Variants in GRIN2B observed in about 807,000 individuals in gnomAD.
GRIN2B encodes glutamate ionotropic receptor NMDA type subunit 2B, also known as glutamate receptor ionotropic, NMDA 2B.
Under a neutral mutation model 114.5 loss-of-function variants are expected in GRIN2B, and 5 were observed. The ratio of observed to expected loss-of-function variants is 0.04; its 90% CI spans 0.02 to 0.09. The LOEUF is 0.09. Among genes scored for constraint, GRIN2B ranks in the 10% least tolerant of loss-of-function variants. The probability of loss-of-function intolerance (pLI) is 1.00; values close to 1 mark genes in which losing one functional copy is unlikely to be tolerated. For missense variants in GRIN2B, 1,108 were observed against 1,943.5 expected (o/e 0.57, Z 8.08); for synonymous variants, 787 against 745.1 (o/e 1.06, Z -0.92).
At chr12:13,903,745 T>C (rs1866495570) in intron 2 of GRIN2B, among the ~76,000 whole-genome samples, 1 of 152,104 alleles carries the variant, frequency 6.6e-6, no homozygotes. Flanking sequence ...TTGTTAATCA[T>C]ATTAATCGAA....
chr12:13,958,148 G>C (rs1276054018), intron 2 of GRIN2B, among the ~76,000 whole-genome samples: 2 of 152,190 alleles, frequency 1.3e-5, no homozygotes, highest in Non-Finnish European at 2.9e-5. Context: ...TAGTGTTTGT[G>C]ATAAAGTGAA....
At chr12:13,848,761 T>G (rs111596395) in intron 3 of GRIN2B, among the ~76,000 whole-genome samples, 1 of 152,130 alleles carries the variant, frequency 6.6e-6, no homozygotes, top group African/African-American at 2.4e-5. Flanking sequence ...AGCCTCTTTC[T>G]TGAACCCAAC....
chr12:13,600,591 A>G (rs776582763), intron 10 of GRIN2B, among the ~76,000 whole-genome samples: 1 of 152,130 alleles, frequency 6.6e-6, no homozygotes, highest in Non-Finnish European at 1.5e-5. Flanking sequence ...ATGAGAAAAG[A>G]GTTCCCTGTG....
At chr12:13,835,477 C>T (rs757688951) in intron 3 of GRIN2B, among the ~76,000 whole-genome samples, 4 of 151,920 alleles carry the variant, frequency 2.6e-5, no homozygotes, top group Non-Finnish European at 5.9e-5. Flanking sequence ...AAGGGTTTTA[C>T]GTAAAACAGA....
At chr12:13,843,355 A>G (rs892369475) in intron 3 of GRIN2B, among the ~76,000 whole-genome samples, 5 of 152,008 alleles carry the variant, frequency 3.3e-5, no homozygotes, top group Admixed American at 1.3e-4. Flanking sequence ...AAGTACCCCT[A>G]GGGGTCATTC....
chr12:13,672,115 CA>C (rs1230457255), intron 5 of GRIN2B, among the ~76,000 whole-genome samples: 1 of 152,094 alleles, frequency 6.6e-6, no homozygotes, highest in Non-Finnish European at 1.5e-5. Context: ...ATCCCTCACC[CA>C]ATTTCTTTTC....
chr12:13,598,430 C>T (rs1949105066), intron 10 of GRIN2B, among the ~76,000 whole-genome samples: 1 of 152,246 alleles, frequency 6.6e-6, no homozygotes, highest in Non-Finnish European at 1.5e-5. Flanking sequence ...GGGAGTATGG[C>T]CCACCAGCCA....
intron 2 of GRIN2B, among the ~76,000 whole-genome samples, chr12:13,894,235 TA>T (rs1212408939): frequency 1.3e-5 from 2 of 152,116 alleles, no homozygotes; most frequent in African/African-American, 4.8e-5. Flanking sequence ...GAATCTTTCC[TA>T]AAGAAATAAT....
At chr12:13,651,573 G>A (rs529923894) in intron 5 of GRIN2B, among the ~76,000 whole-genome samples, 33 of 152,050 alleles carry the variant, frequency 2.2e-4, no homozygotes, top group Non-Finnish European at 4.3e-4. Context: ...AGAAATTCTG[G>A]AAGTGAAATA....
rs187991563 is a variant in GRIN2B, at chr12:13,606,510, C to T, written c.2010+2093G>A. 6.9e-3 allele frequency among the ~76,000 whole-genome samples: 1,051 copies of T among 152,318 alleles called. 4 individuals are homozygous for T. Among genetic ancestry groups the T allele is most frequent in the Middle Eastern group, 0.017 (5 of 294 alleles). On this transcript the variant is annotated intron_variant, in intron 10 of 13. Coordinates refer to ENST00000609686, the MANE Select transcript of GRIN2B (RefSeq NM_000834.5). The stretch of plus-strand genomic sequence containing the variant: ...GTTCATGAGAGATCCACCCCCGTGA[C>T]CCAAACACTGGCCATTAGGCCCCAC...
At chr12:13,790,924 G>A (rs1864308817) in intron 3 of GRIN2B, among the ~76,000 whole-genome samples, 1 of 152,168 alleles carries the variant, frequency 6.6e-6, no homozygotes, top group African/African-American at 2.4e-5. Context: ...TCCAGAGGCT[G>A]CTGTTCCAGT....
At chr12:13,915,828 T>G (rs1866708356) in intron 2 of GRIN2B, among the ~76,000 whole-genome samples, 1 of 151,978 alleles carries the variant, frequency 6.6e-6, no homozygotes, top group Admixed American at 6.6e-5. Context: ...TTACTTGGAT[T>G]TTGCTACTAC....
chr12:13,661,320 A>G (rs1591663788), intron 5 of GRIN2B, among the ~76,000 whole-genome samples: 1 of 152,320 alleles, frequency 6.6e-6, no homozygotes, highest in South Asian at 2.1e-4. Context: ...TTAAAAGTCG[A>G]TATTTCTGTA....
chr12:13,606,696 C>T (rs1949253718), intron 10 of GRIN2B, among the ~76,000 whole-genome samples: 1 of 152,054 alleles, frequency 6.6e-6, no homozygotes, highest in Non-Finnish European at 1.5e-5. Flanking sequence ...AAACAGTCAC[C>T]AAAAGGCGAT....
At chr12:13,674,463 G>T (rs193003981) in intron 5 of GRIN2B, among the ~76,000 whole-genome samples, 1 of 152,216 alleles carries the variant, frequency 6.6e-6, no homozygotes, top group Non-Finnish European at 1.5e-5. Context: ...TCAACTTGAA[G>T]AATTAGATCC....
At chr12:13,954,831 T>TAAAAAAAAAAAAAAAAAAAAAAAAAAAAA (rs1867560002) in intron 2 of GRIN2B, among the ~76,000 whole-genome samples, 2 of 30,276 alleles carry the variant, frequency 6.6e-5, no homozygotes, top group Non-Finnish European at 1.0e-4. Context: ...AAAAAAAAAC[T>TAAAAAAAAAAAAAAAAAAAAAAAAAAAAA]TTTTCTTCTT....
chr12:13,920,021 C>T (rs1866796115), intron 2 of GRIN2B, among the ~76,000 whole-genome samples: 1 of 152,072 alleles, frequency 6.6e-6, no homozygotes, highest in African/African-American at 2.4e-5. Flanking sequence ...AAGAGCTTAT[C>T]TCTGAAGAGG....
At chr12:13,882,803 T>C (rs1438771681) in intron 2 of GRIN2B, among the ~76,000 whole-genome samples, 1 of 152,236 alleles carries the variant, frequency 6.6e-6, no homozygotes, top group Non-Finnish European at 1.5e-5. Flanking sequence ...ATTCACGCTT[T>C]TAAGTTTACA....
At chr12:13,888,701 T>G (rs1333576344) in intron 2 of GRIN2B, among the ~76,000 whole-genome samples, 10 of 151,242 alleles carry the variant, frequency 6.6e-5, no homozygotes, top group African/African-American at 2.4e-4. Context: ...ACCACTGCAT[T>G]CCAGCCTGGG....
Sources: gnomAD v4.1 joint callset for allele counts (sites outside exome capture counted in the v4.1 genomes callset) on GRCh38, gnomAD v4.1.1 for gene constraint, MANE v1.5 for transcripts, NCBI Gene and HGNC (gene_info 2026-07-23, HGNC 2026-07-21) for gene names.